Variants in ECE2 observed in about 807,000 individuals in gnomAD.
ECE2 encodes the protein endothelin-converting enzyme 2.
Under a neutral mutation model 100.6 loss-of-function variants are expected in ECE2, and 81 were observed. That is an observed-to-expected ratio of 0.81 (90% CI 0.67 to 0.97). The LOEUF (loss-of-function observed/expected upper bound fraction) is 0.97. Ranked by LOEUF, ECE2 falls within the 50% of genes least tolerant of loss-of-function variation. ECE2 has a pLI of 0.00. For synonymous variants in ECE2, 391 were observed against 391.5 expected (o/e 1.00, Z 0.02); for missense variants, 911 against 988.1 (o/e 0.92, Z 1.05).
Position 184,285,102 on chromosome 3 carries a change from C to T in ECE2, c.1145C>T (p.Pro382Leu). ...TCAGAGCTCATCAACCGCACGGAAC[C>T]AAGGTGTGGGGGTAGCCCAGGGTGA... ...QVSELINRTE[P>L]SILNNYLIWN... Residue 382 changes from proline (P) to leucine (L), a missense_variant, in exon 9 of 19, where the codon CCA becomes CTA. Coordinates refer to ENST00000404464, the MANE Select transcript of ECE2 (RefSeq NM_001100121.2). The T allele has an allele frequency of 6.2e-7, 1 of 1,613,560 alleles. No homozygotes were observed. Among genetic ancestry groups the T allele is most frequent in the Non-Finnish European group, 8.5e-7 (1 of 1,179,694 alleles).
chr3:184,276,813 T>G, intron 2 of ECE2, 79 bp from the exon 3 acceptor site: 1 of 1,587,720 alleles, frequency 6.3e-7, no homozygotes, highest in Non-Finnish European at 8.6e-7. Flanking sequence ...CTCTGAAAAC[T>G]GCCTGTGGCT....
Position 184,278,593 on chromosome 3 carries a change from T to C in ECE2, c.816+36T>C, listed in dbSNP as rs761620445. 4 of 1,608,688 alleles carry C rather than the reference T, an allele frequency of 2.5e-6. No individual in the cohort carries two copies. In the African/African-American group the frequency reaches 5.3e-5, roughly 22 times the overall value. On this transcript the variant is annotated intron_variant, in intron 7 of 18. Coordinates refer to ENST00000404464, the MANE Select transcript of ECE2 (RefSeq NM_001100121.2). ...TCTTCCGAACCCCCATCCCTACCCC[T>C]GGCTGAGCTGGGCTGATCCCTGTTG...
chr3:184,285,844 AG>A (rs1434924178), intron 10 of ECE2, among the ~76,000 whole-genome samples: 22 of 152,224 alleles, frequency 1.4e-4, no homozygotes, highest in African/African-American at 4.8e-4. Context: ...GAGGGTTGTC[AG>A]GAAGAGTATT....
At chr3:184,285,408 T>G in intron 9 of ECE2, 70 bp from the exon 10 acceptor site, 1 of 1,238,384 alleles carries the variant, frequency 8.1e-7, no homozygotes, top group Non-Finnish European at 1.2e-6. Flanking sequence ...TGCATGTTCC[T>G]GGGGGCTGGT....
chr3:184,283,445 C>T (rs1045744216), intron 7 of ECE2, among the ~76,000 whole-genome samples: 2 of 150,718 alleles, frequency 1.3e-5, no homozygotes, highest in African/African-American at 4.9e-5. Flanking sequence ...GCCTGTAGTC[C>T]CAGCTACTTG....
At chr3:184,282,848 G>A (rs1256764611) in intron 7 of ECE2, among the ~76,000 whole-genome samples, 2 of 152,224 alleles carry the variant, frequency 1.3e-5, no homozygotes, top group Non-Finnish European at 2.9e-5. Context: ...TGTATGGAAA[G>A]CCTCTAATAG....
At position 184,276,492 on chromosome 3, in the gene ECE2, C is replaced by T. The variant is rs760968421; in HGVS notation, c.51C>T (p.Tyr17=). Residue 17 remains tyrosine, a synonymous_variant, in exon 2 of 19, where the codon TAC becomes TAT. Transcript: ENST00000404464. Reference sequence around the variant, plus strand: ...CGACTGTCTGGCAGATGGTGGAGTACAAACGGGCCACGCTTCGGGATGAAG... The same window carrying T: ...CGACTGTCTGGCAGATGGTGGAGTATAAACGGGCCACGCTTCGGGATGAAG... ...ELGAGSNMVE[Y]KRATLRDEDA... is the part of the protein sequence containing the mutation. 5 of 1,609,782 alleles carry T rather than the reference C, an allele frequency of 3.1e-6. No individual in the cohort carries two copies. The highest frequency in any genetic ancestry group is 4.2e-6 in the Non-Finnish European group (5 of 1,179,344).
rs745688760 is a variant in ECE2 at position 184,292,139 on chromosome 3, C to T, written c.2199C>T (p.Arg733=). The change falls in exon 19 of 19, where the codon CGC becomes CGT. Residue 733 remains arginine (R), a synonymous_variant. Coordinates refer to ENST00000404464, the MANE Select transcript of ECE2 (RefSeq NM_001100121.2). Reference sequence around the variant, plus strand: ...ACCCCCACAGCCCTGCCCGCTTCCGCGTGCTGGGCACTCTCTCCAACTCCC... The same window carrying T: ...ACCCCCACAGCCCTGCCCGCTTCCGTGTGCTGGGCACTCTCTCCAACTCCC... ...VTDPHSPARF[R]VLGTLSNSRD... 8.7e-6 allele frequency: 14 copies of T among 1,613,960 alleles called. No homozygotes were observed. Among genetic ancestry groups the T allele is most frequent in the South Asian group, 3.3e-5 (3 of 91,086 alleles).
rs1194352853 is a variant in ECE2, at chr3:184,284,957, T to G, written c.1006-6T>G. 1 of 1,612,670 alleles carries G rather than the reference T, an allele frequency of 6.2e-7. No homozygotes were observed. The highest frequency in any genetic ancestry group is 8.5e-7 in the Non-Finnish European group (1 of 1,179,540). On this transcript the variant is annotated splice_region_variant and splice_polypyrimidine_tract_variant and intron_variant, in intron 8 of 18. Transcript: ENST00000404464. ...GCAGGCAAGGCCTGAGATTTTTTTC[T>G]TTCAGGCTCTGGCGCCCTCCATGGA...
chr3:184,283,986 G>A lies in ECE2; in HGVS notation c.1005+13G>A. 1 of 1,612,662 alleles carries A rather than the reference G, an allele frequency of 6.2e-7. No homozygotes were observed. Among genetic ancestry groups the A allele is most frequent in the Non-Finnish European group, 8.5e-7 (1 of 1,179,504 alleles). On this transcript the variant is annotated intron_variant, in intron 8 of 18. Transcript: ENST00000404464. ...TTCGGAGCTGCAGGTGGGGCAGGCA[G>A]GGGGCTGGAGACAACTGAGAGGGGC... is the stretch of plus-strand genomic sequence containing the variant.
chr3:184,286,103 G>A (rs1721025865), intron 10 of ECE2, among the ~76,000 whole-genome samples: 1 of 152,136 alleles, frequency 6.6e-6, no homozygotes, highest in Admixed American at 6.5e-5. Context: ...GGGGGATGGT[G>A]GGGAAGGGCA....
In ECE2 at chr3:184,289,364, C is replaced by T. The variant is rs1721202467; in HGVS notation, c.1375-73C>T. ...TTCCCCTGGGTGGACAGGGATGGGG[C>T]ACCAAGGGTGGATGGGTGGGGCAGG... On this transcript the variant is annotated intron_variant, in intron 11 of 18. Coordinates refer to ENST00000404464, the MANE Select transcript of ECE2 (RefSeq NM_001100121.2). This position sits in a 1 kb window ranked among gnomAD's most constrained non-coding sequence, Gnocchi z 4.1. 6 of 1,399,546 alleles carry T rather than the reference C, an allele frequency of 4.3e-6. No homozygotes were observed. Among genetic ancestry groups the T allele is most frequent in the Non-Finnish European group, 5.9e-6 (6 of 1,010,266 alleles). 86.7% of individuals were successfully genotyped at this position (1,399,546 alleles called of 1,614,324 possible).
intron 2 of ECE2, 110 bp downstream of exon 2, chr3:184,276,677 C>A: frequency 6.4e-7 from 1 of 1,554,960 alleles, no homozygotes; most frequent in Non-Finnish European, 8.7e-7. Flanking sequence ...CACCTCCGCT[C>A]CATCTCTGGC....
chr3:184,286,955 T>C (rs546659415), intron 10 of ECE2, among the ~76,000 whole-genome samples: 14 of 151,570 alleles, frequency 9.2e-5, no homozygotes, highest in Non-Finnish European at 1.6e-4. Flanking sequence ...CCCCGTCCAC[T>C]TGAGTGGATG....
At position 184,291,195 on chromosome 3, in the gene ECE2, A is replaced by G. The variant is rs1295377974; in HGVS notation, c.1990A>G (p.Ile664Val). 6.2e-7 allele frequency: 1 copy of G among 1,613,422 alleles called. No individual in the cohort carries two copies. Among genetic ancestry groups the G allele is most frequent in the African/African-American group, 1.3e-5 (1 of 74,928 alleles). Residue 664 changes from isoleucine (I) to valine (V), a missense_variant, in exon 17 of 19, where the codon ATT (isoleucine) becomes GTT (valine). Coordinates refer to ENST00000404464, the MANE Select transcript of ECE2 (RefSeq NM_001100121.2). The surrounding 1 kb of genome is among the most constrained non-coding windows in gnomAD (Gnocchi z 4.1). ...CGGCCGCCAGACGCTGGGGGAGAAC[A>G]TTGCTGACAACGGGGGGCTGAAGGC... ...LNGRQTLGEN[I>V]ADNGGLKAAY...
rs201673559 is a variant in ECE2, at chr3:184,291,228, A to G, written c.2023A>G (p.Asn675Asp). The G allele has an allele frequency of 9.9e-6, 16 of 1,611,058 alleles. No individual in the cohort carries two copies. The East Asian group carries it at 3.3e-4, about 34-fold the overall frequency. Residue 675 changes from asparagine to aspartate, a missense_variant and splice_region_variant, in exon 17 of 19, where the codon AAT becomes GAT. By Grantham distance (23) the Asn-to-Asp change is conservative (BLOSUM62 1). Transcript: ENST00000404464. This position sits in a 1 kb window ranked among gnomAD's most constrained non-coding sequence, Gnocchi z 4.1. ...ADNGGLKAAY[N>D]AYKAWLRKHG... ...CAACGGGGGGCTGAAGGCTGCCTAC[A>G]ATGTGAGTGGCCTGACCAGCCCTCC...
In ECE2 at chr3:184,277,230, C is replaced by G. The variant is rs757600918; in HGVS notation, c.263-21C>G. On this transcript the variant is annotated intron_variant, in intron 3 of 18. Transcript: ENST00000404464. ...GACAGACTGACAGTCTCCTACCCTCCGGCCATGTTCCCTACCACAGACCCA... is the reference window on the plus strand; with the variant it reads ...GACAGACTGACAGTCTCCTACCCTCGGGCCATGTTCCCTACCACAGACCCA... 7.4e-6 allele frequency: 12 copies of G among 1,613,682 alleles called. No homozygotes were observed. In the African/African-American group the frequency reaches 1.6e-4, roughly 22 times the overall value.
intron 2 of ECE2, 86 bp downstream of exon 2, chr3:184,276,653 G>A: frequency 6.4e-7 from 1 of 1,574,472 alleles, no homozygotes; most frequent in Non-Finnish European, 8.6e-7. Context: ...CTGTTCTGGA[G>A]GGTCACCTGC....
At chr3:184,285,682 G>T (rs1721010497) in intron 10 of ECE2, 90 bp downstream of exon 10, 3 of 968,042 alleles carry the variant, frequency 3.1e-6, no homozygotes, top group Non-Finnish European at 5.0e-6. Flanking sequence ...GCCTCATGGT[G>T]CACAGGTGCA....
Sources: gnomAD v4.1 joint callset for allele counts (sites outside exome capture counted in the v4.1 genomes callset) on GRCh38, gnomAD v4.1.1 for gene constraint, Gnocchi (gnomAD v3.1) non-coding constraint, MANE v1.5 for transcripts, NCBI Gene and HGNC (gene_info 2026-07-23, HGNC 2026-07-21) for gene names.